Variants in ATP2B1 observed in about 807,000 individuals in gnomAD.
The protein encoded by ATP2B1 is plasma membrane calcium-transporting ATPase 1.
Under a neutral mutation model 124.2 loss-of-function variants are expected in ATP2B1, and 14 were observed. That is an observed-to-expected ratio of 0.11 (90% CI 0.07 to 0.18). ATP2B1 has a LOEUF of 0.18. Among genes scored for constraint, ATP2B1 ranks in the 10% least tolerant of loss-of-function variants. The pLI, the probability that ATP2B1 is intolerant of heterozygous loss-of-function variation, is 1.00. For missense variants in ATP2B1, 763 were observed against 1,466.1 expected (o/e 0.52, Z 7.83); for synonymous variants, 449 against 492.4 (o/e 0.91, Z 1.17).
intron 20 of ATP2B1, among the ~76,000 whole-genome samples, chr12:89,597,532 A>C (rs2854374): frequency 0.99 from 150,557 of 152,178 alleles, 74,506 homozygotes; most frequent in Middle Eastern, 1. Flanking sequence ...AAATACGGAA[A>C]AAACAGGCAT....
Position 89,630,773 on chromosome 12 carries a change from A to ATATATATAT in ATP2B1, c.788-129_788-128insATATATATA, listed in dbSNP as rs1318989513. ...TAGGAAAAAATATATATAAATATAA[A>ATATATATAT]TATATAAATATATATATATATTTTT... On this transcript the variant is annotated intron_variant, in intron 5 of 20. Coordinates refer to ENST00000428670, the MANE Select transcript of ATP2B1 (RefSeq NM_001366521.1). The ATATATATAT allele has an allele frequency of 2.5e-4, 26 of 102,746 alleles. No individual in the cohort carries two copies. In the African/African-American group the frequency reaches 5.5e-3, roughly 22 times the overall value. 6.4% of individuals were successfully genotyped at this position (102,746 alleles called of 1,614,324 possible).
chr12:89,686,779 T>C (rs1487756917), intron 1 of ATP2B1, among the ~76,000 whole-genome samples: 1 of 152,116 alleles, frequency 6.6e-6, no homozygotes, highest in African/African-American at 2.4e-5. Flanking sequence ...TGTATAAACA[T>C]GCACAGATGC....
rs370860174 is a variant in ATP2B1, at chr12:89,601,259, A to C, written c.3168+67T>G. The C allele has an allele frequency of 2.2e-5, 24 of 1,111,048 alleles. 1 individual carries two copies. In the African/African-American group the frequency reaches 3.9e-4, roughly 18 times the overall value. The allele number at this position is 1,111,048 out of a possible 1,614,324, so 68.8% of individuals were successfully genotyped here. A position where few individuals can be genotyped will look rare whatever the true frequency, so the allele number is the denominator to read the frequency against. ...AATCAAGTAATGAAACTGTTAAAGAAAATACACACTAGAAATTAAAAAAAA... is the reference window on the plus strand; with the variant it reads ...AATCAAGTAATGAAACTGTTAAAGACAATACACACTAGAAATTAAAAAAAA... On this transcript the variant is annotated intron_variant, in intron 19 of 20. Coordinates refer to ENST00000428670, the MANE Select transcript of ATP2B1 (RefSeq NM_001366521.1).
At chr12:89,677,961 T>TACAC (rs1371602072) in intron 1 of ATP2B1, among the ~76,000 whole-genome samples, 14 of 25,838 alleles carry the variant, frequency 5.4e-4, no homozygotes, top group South Asian at 1.2e-3. Flanking sequence ...GAATTATATA[T>TACAC]ATATATATAT....
intron 3 of ATP2B1, among the ~76,000 whole-genome samples, chr12:89,640,944 C>T (rs1883406595): frequency 6.6e-6 from 1 of 152,172 alleles, no homozygotes. Flanking sequence ...TATAAGTTAG[C>T]CAGTCTCAGG....
In ATP2B1 at chr12:89,699,765, C is replaced by T. The variant is rs531750371; in HGVS notation, c.-222+8831G>A. ...GTATTTCTAGCAAAAGAAATGCTGT[C>T]AGCAGGAGGGCCGGAGGTGATCAAG... is the stretch of plus-strand genomic sequence containing the variant. On this transcript the variant is annotated intron_variant, in intron 1 of 20. Coordinates refer to ENST00000428670, the MANE Select transcript of ATP2B1 (RefSeq NM_001366521.1). Among the ~76,000 whole-genome samples, 9 of 152,248 alleles carry T rather than the reference C, an allele frequency of 5.9e-5. 1 individual carries two copies. In the South Asian group the frequency reaches 1.9e-3, roughly 32 times the overall value.
At chr12:89,634,261 T>C (rs1478292963) in intron 5 of ATP2B1, among the ~76,000 whole-genome samples, 1 of 152,182 alleles carries the variant, frequency 6.6e-6, no homozygotes, top group Non-Finnish European at 1.5e-5. Context: ...AATCATATAA[T>C]ACTAAATAGT....
chr12:89,638,475 T>C (rs1883028339), intron 3 of ATP2B1, among the ~76,000 whole-genome samples: 1 of 152,226 alleles, frequency 6.6e-6, no homozygotes. Flanking sequence ...TTCATTAATG[T>C]GTAACATAAT....
intron 6 of ATP2B1, 22 bp downstream of exon 6, chr12:89,630,483 T>G (rs1263628143): frequency 8.6e-6 from 13 of 1,511,478 alleles, no homozygotes; most frequent in Non-Finnish European, 1.2e-5. Flanking sequence ...AAATACCAAT[T>G]ATAGAAAATT....
At position 89,589,699 on chromosome 12, in the gene ATP2B1, CT is replaced by C. The variant is rs1401392350; in HGVS notation, c.*1284del. The C allele has an allele frequency of 6.6e-6, 1 of 152,048 alleles. No individual in the cohort carries two copies. Among genetic ancestry groups the C allele is most frequent in the Admixed American group, 6.6e-5 (1 of 15,234 alleles). 9.4% of individuals were successfully genotyped at this position (152,048 alleles called of 1,614,324 possible). The stretch of plus-strand genomic sequence containing the variant: ...CGGTACTTCATGGGGCTGTTACCAT[CT>C]TGAAATGTATTCCAATTGTGGTCAA... On this transcript the variant is annotated 3_prime_UTR_variant, in exon 21 of 21. Transcript: ENST00000428670.
intron 19 of ATP2B1, among the ~76,000 whole-genome samples, chr12:89,600,348 G>T (rs542577088): frequency 6.6e-6 from 1 of 152,188 alleles, no homozygotes; most frequent in East Asian, 1.9e-4. Flanking sequence ...GAAAATGTTA[G>T]ATTTTCTATA....
chr12:89,692,349 C>A (rs1014347412), intron 1 of ATP2B1, among the ~76,000 whole-genome samples: 1 of 152,080 alleles, frequency 6.6e-6, no homozygotes, highest in Non-Finnish European at 1.5e-5. Context: ...GGTTTCATTA[C>A]GACATTGATG....
At chr12:89,678,918 T>C (rs1244769550) in intron 1 of ATP2B1, among the ~76,000 whole-genome samples, 1 of 152,164 alleles carries the variant, frequency 6.6e-6, no homozygotes, top group Non-Finnish European at 1.5e-5. Flanking sequence ...AGGAATAATA[T>C]AAAGTTCCTC....
intron 13 of ATP2B1, chr12:89,610,803 C>A (rs927328451): frequency 1.4e-5 from 5 of 356,864 alleles, no homozygotes; most frequent in Non-Finnish European, 2.5e-5. Flanking sequence ...TTTAAAAAAT[C>A]CCCCTACTGC....
At chr12:89,659,057 A>G (rs1886350087) in intron 1 of ATP2B1, among the ~76,000 whole-genome samples, 1 of 152,202 alleles carries the variant, frequency 6.6e-6, no homozygotes, top group Non-Finnish European at 1.5e-5. Flanking sequence ...AATACGAAGG[A>G]CAATAAAAAA....
chr12:89,657,237 C>T (rs1473155941), intron 1 of ATP2B1, among the ~76,000 whole-genome samples: 1 of 152,214 alleles, frequency 6.6e-6, no homozygotes, highest in African/African-American at 2.4e-5. Context: ...AAAGTCTCTT[C>T]TGTATATAAC....
chr12:89,611,782 T>C (rs972437105), intron 12 of ATP2B1: 5 of 156,266 alleles, frequency 3.2e-5, no homozygotes, highest in African/African-American at 1.2e-4. Flanking sequence ...TCACAATCCA[T>C]ATCTTTTAAG....
chr12:89,610,727 C>T (rs1474148195), intron 13 of ATP2B1: 1 of 493,384 alleles, frequency 2.0e-6, no homozygotes, highest in African/African-American at 2.0e-5. Context: ...AATAATCTTG[C>T]TAGGTGACTT....
Position 89,604,311 on chromosome 12 carries a change from G to C in ATP2B1, c.2478C>G (p.Ser826=). Residue 826 remains serine (S), a synonymous_variant, in exon 16 of 21, where the codon TCC becomes TCG. Transcript: ENST00000428670. ...IAGTDVAKEA[S]DIILTDDNFT... The stretch of plus-strand genomic sequence containing the variant: ...AGTTGTCATCTGTGAGAATAATATC[G>C]GATGCTTCTTTAGCTACATCAGTTC... 1.2e-6 allele frequency: 2 copies of C among 1,611,644 alleles called. No homozygotes were observed. The highest frequency in any genetic ancestry group is 3.4e-5 in the Admixed American group (2 of 59,628).
Sources: allele counts gnomAD v4.1 joint callset (sites outside exome capture counted in the v4.1 genomes callset), GRCh38; gene constraint gnomAD v4.1.1; transcripts MANE v1.5; gene names NCBI Gene and HGNC (gene_info 2026-07-23, HGNC 2026-07-21).